GPC5: variants seen among roughly 807,000 people sequenced by gnomAD.
GPC5 encodes the protein glypican-5.
A neutral mutation model predicts 53.9 loss-of-function variants in GPC5; 47 were observed. The observed-to-expected ratio is 0.87, with a 90% CI of 0.69 to 1.11. The LOEUF (loss-of-function observed/expected upper bound fraction) is 1.11, where lower values mean the gene tolerates loss of function less well. Ranked by LOEUF, GPC5 falls within the 50% of genes most tolerant of loss-of-function variation. The pLI, the probability that GPC5 is intolerant of heterozygous loss-of-function variation, is 0.00. For missense variants in GPC5, 748 were observed against 713.1 expected (o/e 1.05, Z -0.56); for synonymous variants, 286 against 263.3 (o/e 1.09, Z -0.84).
At chr13:92,545,150 A>G (rs1462082898) in intron 7 of GPC5, among the ~76,000 whole-genome samples, 1 of 151,746 alleles carries the variant, frequency 6.6e-6, no homozygotes, top group African/African-American at 2.4e-5. Flanking sequence ...ATTCCCACCT[A>G]TGAGTGAGAA....
intron 7 of GPC5, among the ~76,000 whole-genome samples, chr13:92,422,070 T>C (rs926537279): frequency 1.3e-5 from 2 of 152,048 alleles, no homozygotes; most frequent in African/African-American, 4.8e-5. Context: ...TCCAAGGCTG[T>C]GGAGAATATG....
chr13:91,905,478 A>G (rs559963543), intron 5 of GPC5, among the ~76,000 whole-genome samples: 7 of 152,088 alleles, frequency 4.6e-5, no homozygotes, highest in Non-Finnish European at 1.0e-4. Context: ...CCAAGGTTAT[A>G]TTTTAAATCA....
intron 7 of GPC5, among the ~76,000 whole-genome samples, chr13:92,390,781 T>C (rs972000187): frequency 3.3e-5 from 5 of 152,206 alleles, no homozygotes; most frequent in African/African-American, 1.2e-4. Context: ...CAAGTATATA[T>C]AACTTTAACA....
chr13:92,268,434 A>G (rs1253996292), intron 7 of GPC5, among the ~76,000 whole-genome samples: 1 of 152,004 alleles, frequency 6.6e-6, no homozygotes, highest in African/African-American at 2.4e-5. Flanking sequence ...TTTTTAAATC[A>G]GATTTAAAAA....
intron 6 of GPC5, among the ~76,000 whole-genome samples, chr13:91,983,947 C>T (rs1396930068): frequency 6.6e-6 from 1 of 152,204 alleles, no homozygotes; most frequent in Non-Finnish European, 1.5e-5. Context: ...ATTTCATAAA[C>T]ATTCAGTAGA....
chr13:92,795,108 G>T (rs1005839455), intron 7 of GPC5, among the ~76,000 whole-genome samples: 1 of 152,112 alleles, frequency 6.6e-6, no homozygotes, highest in African/African-American at 2.4e-5. Context: ...CAAAGCTGGA[G>T]GCATCATGCT....
chr13:92,039,357 C>T (rs1209385606), intron 6 of GPC5, among the ~76,000 whole-genome samples: 1 of 152,206 alleles, frequency 6.6e-6, no homozygotes, highest in Non-Finnish European at 1.5e-5. Flanking sequence ...GTAGAAGAGG[C>T]AGCAGGACTT....
intron 7 of GPC5, among the ~76,000 whole-genome samples, chr13:92,288,243 AAT>A (rs748139436): frequency 2.6e-5 from 4 of 152,198 alleles, no homozygotes; most frequent in Non-Finnish European, 5.9e-5. Flanking sequence ...TAATATGACC[AAT>A]GTCTGGACAT....
chr13:92,855,248 C>T (rs1319142433), intron 7 of GPC5, among the ~76,000 whole-genome samples: 10 of 151,930 alleles, frequency 6.6e-5, no homozygotes, highest in Admixed American at 5.3e-4. Context: ...TATTAAATGT[C>T]ATTAATACTC....
intron 7 of GPC5, among the ~76,000 whole-genome samples, chr13:92,310,868 A>G (rs1033141149): frequency 2.0e-5 from 3 of 152,170 alleles, no homozygotes; most frequent in African/African-American, 7.2e-5. Context: ...ATCCATAAAC[A>G]TAGCACTGAT....
intron 7 of GPC5, among the ~76,000 whole-genome samples, chr13:92,455,278 G>A (rs944325916): frequency 2.0e-5 from 3 of 152,118 alleles, no homozygotes; most frequent in South Asian, 2.1e-4. Flanking sequence ...GTTATAATAT[G>A]TCAGCTTATC....
intron 2 of GPC5, among the ~76,000 whole-genome samples, chr13:91,575,684 A>G (rs2032105679): frequency 6.6e-6 from 1 of 152,086 alleles, no homozygotes; most frequent in South Asian, 2.1e-4. Flanking sequence ...AATTTCTTTA[A>G]AACTTTTTTA....
At chr13:92,365,742 T>A (rs2043602666) in intron 7 of GPC5, among the ~76,000 whole-genome samples, 1 of 151,228 alleles carries the variant, frequency 6.6e-6, no homozygotes, top group African/African-American at 2.5e-5. Context: ...TGGGTCAGGA[T>A]CATCAATACC....
At chr13:92,640,629 G>T (rs1885564714) in intron 7 of GPC5, among the ~76,000 whole-genome samples, 1 of 152,094 alleles carries the variant, frequency 6.6e-6, no homozygotes, top group Non-Finnish European at 1.5e-5. Context: ...CTGGCTCCAA[G>T]GCTGTGACAA....
intron 7 of GPC5, among the ~76,000 whole-genome samples, chr13:92,385,612 TAC>T (rs1491342550): frequency 6.9e-6 from 1 of 144,084 alleles, no homozygotes; most frequent in Non-Finnish European, 1.5e-5. Flanking sequence ...TATACACATA[TAC>T]ATATACATAC....
At chr13:92,452,041 T>C (rs1878081121) in intron 7 of GPC5, among the ~76,000 whole-genome samples, 2 of 152,278 alleles carry the variant, frequency 1.3e-5, no homozygotes, top group East Asian at 1.9e-4. Flanking sequence ...GATGCAACTT[T>C]CTAGCAGGAA....
At chr13:91,425,738 T>C (rs1566383944) in intron 1 of GPC5, among the ~76,000 whole-genome samples, 1 of 152,334 alleles carries the variant, frequency 6.6e-6, no homozygotes, top group East Asian at 1.9e-4. Flanking sequence ...AGTGGGACAC[T>C]GCTATAAAGA....
chr13:92,503,730 T>A (rs916612208), intron 7 of GPC5, among the ~76,000 whole-genome samples: 3 of 151,828 alleles, frequency 2.0e-5, no homozygotes, highest in African/African-American at 7.2e-5. Flanking sequence ...TAAGTCTGTA[T>A]CACAAAAAAT....
At chr13:91,952,106 A>G (rs2040030939) in intron 6 of GPC5, among the ~76,000 whole-genome samples, 1 of 152,012 alleles carries the variant, frequency 6.6e-6, no homozygotes, top group South Asian at 2.1e-4. Flanking sequence ...TATTTGGTAT[A>G]TGTTCTGCTA....
Sources: gnomAD v4.1 joint callset for allele counts (sites outside exome capture counted in the v4.1 genomes callset) on GRCh38, gnomAD v4.1.1 for gene constraint, MANE v1.5 for transcripts, NCBI Gene and HGNC (gene_info 2026-07-23, HGNC 2026-07-21) for gene names.